The following RORA variants were observed in gnomAD, a reference collection of about 807,000 sequenced individuals.
The protein encoded by RORA is nuclear receptor ROR-alpha.
RORA carries 7 observed loss-of-function variants against 69.5 expected under a neutral mutation model. The observed-to-expected ratio is 0.10, with a 90% confidence interval of 0.06 to 0.19. RORA has a LOEUF of 0.19. Among genes scored for constraint, RORA ranks in the 10% least tolerant of loss-of-function variants. The probability of loss-of-function intolerance (pLI) is 1.00; values close to 1 mark genes in which losing one functional copy is unlikely to be tolerated. For synonymous variants in RORA, 261 were observed against 240.8 expected (o/e 1.08, Z -0.78); for missense variants, 457 against 663.0 (o/e 0.69, Z 3.41).
At chr15:60,941,584 T>C (rs1892698248) in intron 1 of RORA, among the ~76,000 whole-genome samples, 1 of 152,240 alleles carries the variant, frequency 6.6e-6, no homozygotes, top group Non-Finnish European at 1.5e-5. Flanking sequence ...CCAGTTTCTA[T>C]GATGCTTTCA....
chr15:60,964,985 T>C (rs997094579), intron 1 of RORA, among the ~76,000 whole-genome samples: 7 of 152,212 alleles, frequency 4.6e-5, no homozygotes, highest in Admixed American at 2.6e-4. Context: ...GCTATGGGGA[T>C]GTTCCCTGGA....
chr15:60,513,466 A>G (rs2065768935), intron 4 of RORA, among the ~76,000 whole-genome samples: 1 of 152,262 alleles, frequency 6.6e-6, no homozygotes, highest in African/African-American at 2.4e-5. Context: ...TATTAACGAC[A>G]GTAATTATAT....
chr15:60,732,733 T>G (rs536744674), intron 1 of RORA, among the ~76,000 whole-genome samples: 104 of 151,990 alleles, frequency 6.8e-4, no homozygotes, highest in African/African-American at 2.4e-3. Flanking sequence ...ACATGAACAC[T>G]TACACAACCC....
Position 60,628,225 on chromosome 15 carries a change from G to T in RORA, c.196+50432C>A, listed in dbSNP as rs150968117. Among the ~76,000 whole-genome samples the T allele has an allele frequency of 8.0e-3, 1,218 of 152,226 alleles. 13 individuals carry two copies. Among genetic ancestry groups the T allele is most frequent in the African/African-American group, 0.028 (1,159 of 41,532 alleles). On this transcript the variant is annotated intron_variant, in intron 2 of 10. Coordinates refer to ENST00000335670, the MANE Select transcript of RORA (RefSeq NM_134261.3). ...CTGTCATGTCTCTTTTGCCTCCTCT[G>T]GTCTGTGACAGTTTCTCGAACTTTC...
At chr15:60,866,325 A>G (rs2073486724) in intron 1 of RORA, among the ~76,000 whole-genome samples, 2 of 152,182 alleles carry the variant, frequency 1.3e-5, no homozygotes, top group African/African-American at 4.8e-5. Flanking sequence ...TAGTTCACTC[A>G]ACATAATGTC....
At chr15:60,500,707 G>A (rs2065305085) in intron 9 of RORA, among the ~76,000 whole-genome samples, 1 of 152,190 alleles carries the variant, frequency 6.6e-6, no homozygotes, top group South Asian at 2.1e-4. Context: ...TTCTGGACTG[G>A]ATTTTGTTCA....
intron 1 of RORA, among the ~76,000 whole-genome samples, chr15:60,990,957 A>G (rs1894358794): frequency 2.0e-5 from 3 of 152,236 alleles, no homozygotes; most frequent in Non-Finnish European, 2.9e-5. Context: ...ACCAAATCCC[A>G]AGTAATCTTT....
chr15:61,216,721 C>G (rs562422965), intron 1 of RORA, among the ~76,000 whole-genome samples: 1 of 152,084 alleles, frequency 6.6e-6, no homozygotes, highest in Non-Finnish European at 1.5e-5. Flanking sequence ...TGGGAGGTAA[C>G]GTCAGGAAAG....
At chr15:60,783,990 G>A (rs1461363330) in intron 1 of RORA, among the ~76,000 whole-genome samples, 1 of 152,186 alleles carries the variant, frequency 6.6e-6, no homozygotes, top group Non-Finnish European at 1.5e-5. Flanking sequence ...ACCTAGGGGA[G>A]CCATCCCTCC....
chr15:60,999,346 C>G (rs910096369), intron 1 of RORA, among the ~76,000 whole-genome samples: 2 of 152,138 alleles, frequency 1.3e-5, no homozygotes, highest in Non-Finnish European at 2.9e-5. Flanking sequence ...AGGGAGCTCA[C>G]TCCCACTAAG....
At chr15:60,788,037 T>A (rs1427981276) in intron 1 of RORA, among the ~76,000 whole-genome samples, 1 of 152,190 alleles carries the variant, frequency 6.6e-6, no homozygotes, top group Non-Finnish European at 1.5e-5. Context: ...TGGAGAGGTC[T>A]ATGAAGGAGA....
At chr15:61,209,354 A>C (rs2140935277) in intron 1 of RORA, among the ~76,000 whole-genome samples, 1 of 152,362 alleles carries the variant, frequency 6.6e-6, no homozygotes, top group African/African-American at 2.4e-5. Flanking sequence ...TGTGATTTCA[A>C]ACAGTACAGG....
At chr15:60,556,928 ACTTG>A in intron 2 of RORA, 1 of 1,612,934 alleles carries the variant, frequency 6.2e-7, no homozygotes, top group South Asian at 1.1e-5. Context: ...CTCCAGGAAC[ACTTG>A]TTTGTCCACC....
intron 1 of RORA, among the ~76,000 whole-genome samples, chr15:61,079,660 T>C (rs2078508956): frequency 6.6e-6 from 1 of 152,220 alleles, no homozygotes; most frequent in Non-Finnish European, 1.5e-5. Context: ...AGGACAGAGA[T>C]AGAGCATCAG....
intron 9 of RORA, 43 bp from the exon 10 acceptor site, chr15:60,500,047 G>C: frequency 8.3e-7 from 1 of 1,203,880 alleles, no homozygotes; most frequent in Non-Finnish European, 1.2e-6. Flanking sequence ...CCTCTGACAT[G>C]GTGTCAGGAT....
At chr15:60,928,746 G>A (rs1406782001) in intron 1 of RORA, among the ~76,000 whole-genome samples, 1 of 152,102 alleles carries the variant, frequency 6.6e-6, no homozygotes, top group African/African-American at 2.4e-5. Flanking sequence ...ACTGTGCTGG[G>A]AGCTTCTGAT....
intron 1 of RORA, among the ~76,000 whole-genome samples, chr15:61,054,375 C>T (rs916191189): frequency 6.6e-6 from 1 of 151,588 alleles, no homozygotes; most frequent in Non-Finnish European, 1.5e-5. Flanking sequence ...TTAGTTAGCA[C>T]AGCTATACTC....
intron 1 of RORA, among the ~76,000 whole-genome samples, chr15:61,102,996 AATT>A (rs2078901890): frequency 6.6e-6 from 1 of 152,216 alleles, no homozygotes; most frequent in Non-Finnish European, 1.5e-5. Context: ...GATAGACAAA[AATT>A]ATTGAGTGCC....
At chr15:60,783,107 T>C (rs974293185) in intron 1 of RORA, among the ~76,000 whole-genome samples, 4 of 152,160 alleles carry the variant, frequency 2.6e-5, no homozygotes, top group African/African-American at 7.2e-5. Context: ...TAATGGGGGA[T>C]GGCTTAGCAA....
Sources: allele counts gnomAD v4.1 joint callset (sites outside exome capture counted in the v4.1 genomes callset), GRCh38; gene constraint gnomAD v4.1.1; transcripts MANE v1.5; gene names NCBI Gene and HGNC (gene_info 2026-07-23, HGNC 2026-07-21).